VEGFD: variants seen among roughly 807,000 people sequenced by gnomAD.
VEGFD encodes the protein c-fos induced growth factor (vascular endothelial growth factor D).
VEGFD carries 26 observed loss-of-function variants against 28.0 expected under a neutral mutation model. That is an observed-to-expected ratio of 0.93 (90% CI 0.68 to 1.29). The LOEUF (loss-of-function observed/expected upper bound fraction) is 1.29. Ranked by LOEUF, VEGFD falls within the 50% of genes most tolerant of loss-of-function variation. The pLI, the probability that VEGFD is intolerant of heterozygous loss-of-function variation, is 0.00. For missense variants in VEGFD, 294 were observed against 273.4 expected, an observed-to-expected ratio of 1.08 and a Z score of -0.53; for synonymous variants, 93 against 95.5, an observed-to-expected ratio of 0.97 and a Z score of 0.15.
chrX:15,368,039 A>AAAGAAAGGAAAG (rs1923206958), intron 1 of VEGFD, among the ~76,000 whole-genome samples: 6 of 103,945 alleles, frequency 5.8e-5, no homozygotes, highest in East Asian at 5.8e-4. Flanking sequence ...AGGAAAGAAG[A>AAAGAAAGGAAAG]AAGAAAGAAA....
At chrX:15,368,070 GAAAGAAAGAAAGA>G (rs1381323434) in intron 1 of VEGFD, among the ~76,000 whole-genome samples, 3 of 92,606 alleles carry the variant, frequency 3.2e-5, no homozygotes, top group Non-Finnish European at 6.5e-5. Context: ...AGGAAAGAAA[GAAAGAAAGAAAGA>G]AAAGAAAGAA....
chrX:15,373,934 C>T (rs1028043380), intron 1 of VEGFD, among the ~76,000 whole-genome samples: 1 of 111,306 alleles, frequency 9.0e-6, no homozygotes, highest in African/African-American at 3.3e-5. Context: ...TTCTCCCTCC[C>T]CCACCTGTCG....
chrX:15,358,281 A>G (rs1237855293), intron 2 of VEGFD, 88 bp from the exon 3 acceptor site: 1 of 762,668 alleles, frequency 1.3e-6, no homozygotes, highest in Non-Finnish European at 1.9e-6. Flanking sequence ...GAACACAGTC[A>G]TTTTCACATT....
intron 1 of VEGFD, among the ~76,000 whole-genome samples, chrX:15,380,879 G>A (rs932980341): frequency 8.9e-6 from 1 of 112,489 alleles, no homozygotes; most frequent in African/African-American, 3.2e-5. Context: ...TGCACATCGT[G>A]TACAACTGTA....
intron 5 of VEGFD, among the ~76,000 whole-genome samples, chrX:15,351,272 C>T (rs1206281456): frequency 1.9e-5 from 2 of 103,711 alleles, no homozygotes; most frequent in East Asian, 3.0e-4. Flanking sequence ...CCCGCCACTA[C>T]GCCCGGCTAA....
At chrX:15,369,908 T>C (rs1269544778) in intron 1 of VEGFD, among the ~76,000 whole-genome samples, 1 of 112,143 alleles carries the variant, frequency 8.9e-6, no homozygotes, top group Non-Finnish European at 1.9e-5. Context: ...CAATGAAAAA[T>C]GTTGCATAGT....
chrX:15,364,237 C>T (rs888992612), intron 1 of VEGFD, among the ~76,000 whole-genome samples: 2 of 111,678 alleles, frequency 1.8e-5, no homozygotes, highest in Non-Finnish European at 3.8e-5. Context: ...TTTTTTCTGA[C>T]AAAATACTTT....
intron 4 of VEGFD, among the ~76,000 whole-genome samples, chrX:15,354,509 T>C (rs938629245): frequency 4.5e-5 from 5 of 111,824 alleles, no homozygotes; most frequent in Non-Finnish European, 9.4e-5. Context: ...TTTCATTCAG[T>C]TACCCTTTAC....
Position 15,363,140 on chromosome X carries a change from C to G in VEGFD, c.270G>C (p.Ala90=). 8.3e-7 allele frequency: 1 copy of G among 1,211,124 alleles called. No homozygotes were observed. ...GTGTTTCAATGTCATAGAAAGTTGC[C>G]GCAAACCTAGTGGACCGATGGGATG... The part of the protein sequence containing the change: ...RSASHRSTRF[A]ATFYDIETLK... Residue 90 remains alanine (A), a synonymous_variant, in exon 2 of 7, where the codon GCG becomes GCC. Transcript: ENST00000297904.
intron 5 of VEGFD, among the ~76,000 whole-genome samples, chrX:15,351,178 G>T (rs1186536995): frequency 1.2e-5 from 1 of 83,499 alleles, no homozygotes; most frequent in African/African-American, 4.5e-5. Flanking sequence ...TGCAGTGGCG[G>T]GATCTCGGCT....
intron 1 of VEGFD, among the ~76,000 whole-genome samples, chrX:15,382,068 C>A (rs1266454920): frequency 9.0e-6 from 1 of 111,578 alleles, no homozygotes; most frequent in Non-Finnish European, 1.9e-5. Flanking sequence ...CGCCTGTAAT[C>A]CCAGCACTAT....
At chrX:15,383,380 G>A (rs1245088601) in intron 1 of VEGFD, among the ~76,000 whole-genome samples, 1 of 112,102 alleles carries the variant, frequency 8.9e-6, no homozygotes, top group Non-Finnish European at 1.9e-5. Flanking sequence ...TTTCTGGATG[G>A]CAGCAATTGG....
At chrX:15,368,065 A>G (rs192724346) in intron 1 of VEGFD, among the ~76,000 whole-genome samples, 89 of 106,137 alleles carry the variant, frequency 8.4e-4, no homozygotes, top group African/African-American at 2.9e-3. Flanking sequence ...AAGAAAGGAA[A>G]GAAAGAAAGA....
At chrX:15,356,781 G>A (rs1922877962) in intron 3 of VEGFD, among the ~76,000 whole-genome samples, 5 of 111,059 alleles carry the variant, frequency 4.5e-5, no homozygotes, top group Admixed American at 2.9e-4. Flanking sequence ...AAATAGTAGA[G>A]GTTAAAATAC....
chrX:15,375,194 C>T (rs763242063), intron 1 of VEGFD, among the ~76,000 whole-genome samples: 62 of 111,937 alleles, frequency 5.5e-4, no homozygotes, highest in African/African-American at 1.5e-3. Flanking sequence ...CAAAGACAAA[C>T]TTTTTCTCTC....
intron 1 of VEGFD, among the ~76,000 whole-genome samples, chrX:15,376,446 T>G (rs1163989948): frequency 6.2e-5 from 7 of 112,329 alleles, no homozygotes; most frequent in Non-Finnish European, 3.8e-5. Flanking sequence ...AAATTTGGAC[T>G]GCTTTGTTAC....
intron 1 of VEGFD, among the ~76,000 whole-genome samples, chrX:15,366,123 C>T (rs1923140142): frequency 9.0e-6 from 1 of 111,424 alleles, no homozygotes; most frequent in Non-Finnish European, 1.9e-5. Context: ...TCTCCCTCCT[C>T]AGCCTCCTGA....
intron 1 of VEGFD, among the ~76,000 whole-genome samples, chrX:15,370,624 C>G (rs1923283500): frequency 9.0e-6 from 1 of 111,688 alleles, no homozygotes; most frequent in South Asian, 3.8e-4. Flanking sequence ...ATACATGTAT[C>G]TGACAAATAG....
intron 1 of VEGFD, among the ~76,000 whole-genome samples, chrX:15,383,436 T>A (rs969331357): frequency 1.8e-5 from 2 of 112,511 alleles, no homozygotes; most frequent in African/African-American, 6.5e-5. Flanking sequence ...AGCACTGCAA[T>A]TTTCAATTTA....
Sources: allele counts gnomAD v4.1 joint callset (sites outside exome capture counted in the v4.1 genomes callset), GRCh38; gene constraint gnomAD v4.1.1; transcripts MANE v1.5; gene names NCBI Gene and HGNC (gene_info 2026-07-23, HGNC 2026-07-21).